Variants in AKAP6 observed in about 807,000 individuals in gnomAD.
The protein encoded by AKAP6 is A-kinase anchoring protein 6.
In AKAP6, 58 loss-of-function variants were observed where a neutral mutation model predicts 188.5. That is an observed-to-expected ratio of 0.31 (90% CI 0.25 to 0.38). The LOEUF is 0.38. Among genes scored for constraint, AKAP6 ranks in the 10% least tolerant of loss-of-function variants. The pLI is 1.00. For missense variants in AKAP6, 2,710 were observed against 2,740.0 expected, an observed-to-expected ratio of 0.99 and a Z score of 0.24; for synonymous variants, 989 against 998.6, an observed-to-expected ratio of 0.99 and a Z score of 0.18.
chr14:32,466,336 T>A (rs2138842643), intron 2 of AKAP6, among the ~76,000 whole-genome samples: 1 of 152,266 alleles, frequency 6.6e-6, no homozygotes. Context: ...CAAATGCTCA[T>A]CAGTGATAGG....
At chr14:32,696,450 G>A (rs775712624) in intron 9 of AKAP6, among the ~76,000 whole-genome samples, 6 of 152,156 alleles carry the variant, frequency 3.9e-5, no homozygotes, top group African/African-American at 4.8e-5. Flanking sequence ...TTAACAAAAC[G>A]TGGTACGATT....
At chr14:32,617,854 T>C (rs960214903) in intron 7 of AKAP6, among the ~76,000 whole-genome samples, 1 of 152,194 alleles carries the variant, frequency 6.6e-6, no homozygotes, top group African/African-American at 2.4e-5. Flanking sequence ...CTCAAACTCC[T>C]GGCCTCAAGT....
At chr14:32,736,736 G>A (rs2300832) in intron 11 of AKAP6, among the ~76,000 whole-genome samples, 17,732 of 152,118 alleles carry the variant, frequency 0.12, 1,340 homozygotes, top group Middle Eastern at 0.2. Context: ...TCAAAGCATC[G>A]TAGGACCAGG....
chr14:32,538,075 G>A (rs1421962213), intron 3 of AKAP6, among the ~76,000 whole-genome samples: 2 of 152,092 alleles, frequency 1.3e-5, no homozygotes, highest in Non-Finnish European at 2.9e-5. Flanking sequence ...TCAGTTATCC[G>A]CTTTATGGAT....
chr14:32,611,734 G>C (rs1203587256), intron 7 of AKAP6, among the ~76,000 whole-genome samples: 1 of 152,152 alleles, frequency 6.6e-6, no homozygotes, highest in Admixed American at 6.6e-5. Context: ...TATTATAGCA[G>C]GTCAAAGGAA....
intron 2 of AKAP6, among the ~76,000 whole-genome samples, chr14:32,517,708 G>C (rs935505462): frequency 2.0e-5 from 3 of 152,226 alleles, no homozygotes; most frequent in African/African-American, 7.2e-5. Flanking sequence ...AGCTCGAACT[G>C]GGTGGAGCCC....
chr14:32,714,706 G>C (rs780560565), intron 9 of AKAP6, among the ~76,000 whole-genome samples: 3 of 151,512 alleles, frequency 2.0e-5, no homozygotes, highest in Non-Finnish European at 4.4e-5. Flanking sequence ...ATTACCAAAT[G>C]CCCCTCAGTT....
chr14:32,781,292 C>T (rs1007067220), intron 12 of AKAP6, among the ~76,000 whole-genome samples: 1 of 150,464 alleles, frequency 6.6e-6, no homozygotes, highest in Non-Finnish European at 1.5e-5. Flanking sequence ...AGAAGACTGT[C>T]AGCCAAGATC....
intron 2 of AKAP6, among the ~76,000 whole-genome samples, chr14:32,508,115 G>T (rs1880970817): frequency 6.6e-6 from 1 of 152,152 alleles, no homozygotes; most frequent in Admixed American, 6.5e-5. Context: ...AAAGTATTTT[G>T]TGATTCTTTT....
At chr14:32,355,848 C>G (rs1468626950) in intron 1 of AKAP6, among the ~76,000 whole-genome samples, 1 of 151,940 alleles carries the variant, frequency 6.6e-6, no homozygotes, top group Non-Finnish European at 1.5e-5. Flanking sequence ...GATCACAGCT[C>G]ACTGCAGCCT....
At chr14:32,382,728 G>A (rs1027658820) in intron 1 of AKAP6, among the ~76,000 whole-genome samples, 1 of 152,166 alleles carries the variant, frequency 6.6e-6, no homozygotes, top group Non-Finnish European at 1.5e-5. Context: ...ACTGCCTGTG[G>A]TAGATGGGGA....
Position 32,686,693 on chromosome 14 carries a change from C to A in AKAP6, c.2879+8234C>A, listed in dbSNP as rs145691178. Among the ~76,000 whole-genome samples the A allele has an allele frequency of 2.0e-5, 3 of 152,212 alleles. No individual in the cohort carries two copies. The East Asian group carries it at 5.8e-4, about 29-fold the overall frequency. The stretch of plus-strand genomic sequence containing the variant: ...GACAGGAACTAGGTAGGGGGAGTAT[C>A]TGAATGTGTTGAAGTTTACTACAAA... On this transcript the variant is annotated intron_variant, in intron 8 of 13. Coordinates refer to ENST00000280979, the MANE Select transcript of AKAP6 (RefSeq NM_004274.5).
At chr14:32,557,671 G>A (rs1389602828) in intron 4 of AKAP6, among the ~76,000 whole-genome samples, 2 of 152,182 alleles carry the variant, frequency 1.3e-5, no homozygotes, top group African/African-American at 2.4e-5. Context: ...TTATCAGGAA[G>A]CGTCTTGAGG....
intron 12 of AKAP6, among the ~76,000 whole-genome samples, chr14:32,787,025 G>C (rs191855942): frequency 1.0e-3 from 159 of 152,180 alleles, no homozygotes; most frequent in African/African-American, 3.4e-3. Context: ...AAAATAATAA[G>C]GCCACGATAA....
At chr14:32,618,147 T>C (rs1484771813) in intron 7 of AKAP6, among the ~76,000 whole-genome samples, 1 of 152,208 alleles carries the variant, frequency 6.6e-6, no homozygotes, top group Non-Finnish European at 1.5e-5. Context: ...AACAAAGCAA[T>C]CTACTATGTC....
At chr14:32,646,677 C>A (rs1372789783) in intron 7 of AKAP6, among the ~76,000 whole-genome samples, 2 of 152,096 alleles carry the variant, frequency 1.3e-5, no homozygotes, top group Non-Finnish European at 2.9e-5. Flanking sequence ...CCCTAGGGAA[C>A]CTTCAATGAA....
At chr14:32,540,168 C>CTCTCTCTCTCTCTATA (rs1240063339) in intron 3 of AKAP6, among the ~76,000 whole-genome samples, 20 of 60,918 alleles carry the variant, frequency 3.3e-4, no homozygotes, top group African/African-American at 2.0e-3. Flanking sequence ...CTCTCTCTCT[C>CTCTCTCTCTCTCTATA]TATATATATA....
intron 2 of AKAP6, among the ~76,000 whole-genome samples, chr14:32,505,249 A>G (rs902977621): frequency 6.6e-6 from 1 of 151,816 alleles, no homozygotes; most frequent in Non-Finnish European, 1.5e-5. Flanking sequence ...GGTTCTTTCT[A>G]TATGACAAAC....
At chr14:32,714,513 A>G (rs754119798) in intron 9 of AKAP6, among the ~76,000 whole-genome samples, 2 of 152,044 alleles carry the variant, frequency 1.3e-5, no homozygotes, top group Non-Finnish European at 2.9e-5. Context: ...CCATAAAAAC[A>G]TAAATATATA....
Sources: allele counts gnomAD v4.1 joint callset (sites outside exome capture counted in the v4.1 genomes callset), GRCh38; gene constraint gnomAD v4.1.1; transcripts MANE v1.5; gene names NCBI Gene and HGNC (gene_info 2026-07-23, HGNC 2026-07-21).